NSDHL: variants seen among roughly 807,000 people sequenced by gnomAD.
NSDHL encodes the protein sterol-4-alpha-carboxylate 3-dehydrogenase, decarboxylating.
In NSDHL, 1 loss-of-function variant was observed where a neutral mutation model predicts 23.0. That is an observed-to-expected ratio of 0.04 (90% confidence interval 0.02 to 0.21). The LOEUF is 0.21. Ranked by LOEUF, NSDHL falls within the 10% of genes least tolerant of loss-of-function variation. The pLI is 1.00. For missense variants in NSDHL, 237 were observed against 300.9 expected (o/e 0.79, Z 1.57); for synonymous variants, 128 against 121.1 (o/e 1.06, Z -0.37).
chrX:152,855,324 C>T (rs1216652966), intron 3 of NSDHL, among the ~76,000 whole-genome samples: 2 of 111,866 alleles, frequency 1.8e-5, no homozygotes, highest in Non-Finnish European at 3.8e-5. Context: ...TTAAAGTCAC[C>T]TCGGTCTTGT....
intron 1 of NSDHL, among the ~76,000 whole-genome samples, chrX:152,835,295 C>CT (rs200736261): frequency 0.083 from 8,439 of 101,313 alleles, 330 homozygotes; most frequent in African/African-American, 0.14. Flanking sequence ...TCACATCTCT[C>CT]TTTTTTTTTT....
In NSDHL at chrX:152,869,419, T is replaced by C. The variant is rs1376073079; in HGVS notation, c.*303T>C. ...TGCCCCCTCTTCTGGTTTATACATT[T>C]CATTCCAGTGTCCTTGTACATAATC... is the stretch of plus-strand genomic sequence containing the variant. On this transcript the variant is annotated 3_prime_UTR_variant, in exon 8 of 8. Transcript: ENST00000370274. The C allele has an allele frequency of 8.8e-6, 3 of 342,571 alleles. No individual in the cohort carries two copies. The highest frequency in any genetic ancestry group is 1.6e-5 in the Non-Finnish European group (3 of 191,365). The allele number at this position is 342,571 out of a possible 1,213,427, so 28.2% of individuals were successfully genotyped here.
intron 2 of NSDHL, among the ~76,000 whole-genome samples, chrX:152,849,174 G>C (rs1181039544): frequency 1.8e-5 from 2 of 112,204 alleles, no homozygotes; most frequent in African/African-American, 3.2e-5. Flanking sequence ...CATCCCTTGA[G>C]TCTCTTGCAT....
chrX:152,851,995 C>T (rs1416890235), intron 3 of NSDHL, among the ~76,000 whole-genome samples: 1 of 111,010 alleles, frequency 9.0e-6, no homozygotes, highest in Non-Finnish European at 1.9e-5. Context: ...TCCTCTCTGT[C>T]CAGCTCATGC....
At chrX:152,832,076 C>A (rs1933023138) in intron 1 of NSDHL, among the ~76,000 whole-genome samples, 1 of 111,246 alleles carries the variant, frequency 9.0e-6, no homozygotes, top group Admixed American at 9.5e-5. Flanking sequence ...CGCTCCACAA[C>A]TCTTCTCTCG....
intron 1 of NSDHL, among the ~76,000 whole-genome samples, chrX:152,832,336 T>C (rs1428316384): frequency 3.6e-5 from 4 of 112,123 alleles, no homozygotes; most frequent in Non-Finnish European, 7.5e-5. Flanking sequence ...GTCCCTCCAC[T>C]AGAAGGCAGG....
At chrX:152,858,397 AT>A (rs1933475517) in intron 3 of NSDHL, among the ~76,000 whole-genome samples, 2 of 112,191 alleles carry the variant, frequency 1.8e-5, no homozygotes, top group East Asian at 5.6e-4. Context: ...ACTGTCTTTA[AT>A]GGTGTGGAAC....
chrX:152,838,454 C>G (rs1569471719), intron 1 of NSDHL, among the ~76,000 whole-genome samples: 1 of 111,845 alleles, frequency 8.9e-6, no homozygotes, highest in Non-Finnish European at 1.9e-5. Flanking sequence ...AAATTTCCCT[C>G]TACGCACTGC....
intron 1 of NSDHL, among the ~76,000 whole-genome samples, chrX:152,831,937 C>G (rs1355584962): frequency 9.0e-6 from 1 of 111,489 alleles, no homozygotes; most frequent in African/African-American, 3.3e-5. Flanking sequence ...GAGCTGCTGC[C>G]CTTTGCCCTC....
At chrX:152,860,418 A>G (rs1173998380) in intron 4 of NSDHL, among the ~76,000 whole-genome samples, 1 of 111,868 alleles carries the variant, frequency 8.9e-6, no homozygotes, top group Admixed American at 9.5e-5. Flanking sequence ...TTGGGGGCAT[A>G]CAACAAAGAT....
chrX:152,851,897 A>G lies in NSDHL; in HGVS notation c.267+1474A>G, dbSNP rs782763083. 9.5e-4 allele frequency among the ~76,000 whole-genome samples: 105 copies of G among 110,548 alleles called. 1 individual carries two copies. The highest frequency in any genetic ancestry group is 3.4e-4 in the Non-Finnish European group (18 of 52,778). On this transcript the variant is annotated intron_variant, in intron 3 of 7. Coordinates refer to ENST00000370274, the MANE Select transcript of NSDHL (RefSeq NM_015922.3). ...CTCATCCTTGGCCTCCTCTCACCCA[A>G]TGATGTTGCCCTCCACTCCCCTGTC... is the stretch of plus-strand genomic sequence containing the variant.
chrX:152,850,750 G>T (rs1177539119), intron 3 of NSDHL, among the ~76,000 whole-genome samples: 6 of 112,323 alleles, frequency 5.3e-5, no homozygotes, highest in Non-Finnish European at 9.4e-5. Context: ...ACAAGTGTGT[G>T]CTGGGCCACA....
chrX:152,840,653 T>C (rs1457733556), intron 1 of NSDHL, among the ~76,000 whole-genome samples: 2 of 112,148 alleles, frequency 1.8e-5, no homozygotes, highest in Non-Finnish European at 3.8e-5. Context: ...ACAGCAAATA[T>C]TGCTGCCTGA....
rs1464709592 is a variant in NSDHL at position 152,839,257 on chromosome X, G to T, written c.-43-7025G>T. ...TGGGTCTTGACTCTTTATCCAATTT[G>T]TCAGTCTGTGTCTTTTAATTGGGGC... On this transcript the variant is annotated intron_variant, in intron 1 of 7. Coordinates refer to ENST00000370274, the MANE Select transcript of NSDHL (RefSeq NM_015922.3). 2.7e-5 allele frequency among the ~76,000 whole-genome samples: 3 copies of T among 112,045 alleles called. No individual in the cohort carries two copies. The Admixed American group carries it at 2.8e-4, about 11-fold the overall frequency.
At chrX:152,854,633 C>T (rs1490528105) in intron 3 of NSDHL, among the ~76,000 whole-genome samples, 2 of 109,543 alleles carry the variant, frequency 1.8e-5, no homozygotes, top group Non-Finnish European at 3.8e-5. Context: ...TGGTCTTGAA[C>T]TCCTTGTATC....
intron 3 of NSDHL, among the ~76,000 whole-genome samples, chrX:152,858,302 A>G (rs782487735): frequency 1.2e-4 from 13 of 112,377 alleles, no homozygotes; most frequent in African/African-American, 4.2e-4. Context: ...CAGTAAATCA[A>G]ACAGACCTGT....
chrX:152,868,952 C>T lies in NSDHL; in HGVS notation c.958C>T (p.Leu320=), dbSNP rs1556848511. The change falls in exon 8 of 8, where the codon CTG becomes TTG. Residue 320 remains leucine (L), a synonymous_variant. Coordinates refer to ENST00000370274, the MANE Select transcript of NSDHL (RefSeq NM_015922.3). ...LVMVISPVIQ[L]QPTFTPMRVA... ...GATGGTGATCAGTCCTGTCATCCAGCTGCAGCCCACCTTCACACCCATGCG... is the reference window on the plus strand; with the variant it reads ...GATGGTGATCAGTCCTGTCATCCAGTTGCAGCCCACCTTCACACCCATGCG... 8.2e-7 allele frequency: 1 copy of T among 1,212,331 alleles called. No homozygotes were observed. The highest frequency in any genetic ancestry group is 1.1e-6 in the Non-Finnish European group (1 of 895,643).
chrX:152,842,555 A>G (rs1335396516), intron 1 of NSDHL, among the ~76,000 whole-genome samples: 4 of 111,354 alleles, frequency 3.6e-5, no homozygotes, highest in African/African-American at 9.8e-5. Context: ...CTGGAGTGCA[A>G]TGGCGGCACC....
At chrX:152,864,854 G>A (rs908327176) in intron 5 of NSDHL, among the ~76,000 whole-genome samples, 6 of 111,692 alleles carry the variant, frequency 5.4e-5, no homozygotes, top group Non-Finnish European at 9.4e-5. Context: ...CTTTTCCATT[G>A]TTGAGTTGCT....
Sources: allele counts gnomAD v4.1 joint callset (sites outside exome capture counted in the v4.1 genomes callset), GRCh38; gene constraint gnomAD v4.1.1; transcripts MANE v1.5; gene names NCBI Gene and HGNC (gene_info 2026-07-23, HGNC 2026-07-21).